ZNF18: variants seen among roughly 807,000 people sequenced by gnomAD.
ZNF18 encodes the protein heart development-specific gene 1 protein.
A neutral mutation model predicts 58.1 loss-of-function variants in ZNF18; 42 were observed. That is an observed-to-expected ratio of 0.72 (90% confidence interval 0.56 to 0.93). The LOEUF (loss-of-function observed/expected upper bound fraction) is 0.93. ZNF18 is among the 40% of genes least tolerant of loss of function. ZNF18 has a pLI of 0.00. For synonymous variants in ZNF18, 231 were observed against 239.8 expected, an observed-to-expected ratio of 0.96 and a Z score of 0.34; for missense variants, 540 against 644.2, an observed-to-expected ratio of 0.84 and a Z score of 1.75.
the ZNF18 span, among the ~76,000 whole-genome samples, chr17:12,013,541 C>A: frequency 6.6e-6 from 1 of 152,040 alleles, no homozygotes; most frequent in Non-Finnish European, 1.5e-5. Context: ...CAAATTTCTA[C>A]CTTTATTTGA....
At chr17:11,982,777 A>G (rs1235296462) in intron 6 of ZNF18, among the ~76,000 whole-genome samples, 1 of 152,100 alleles carries the variant, frequency 6.6e-6, no homozygotes, top group Non-Finnish European at 1.5e-5. Context: ...ATTTTACAAG[A>G]TAACAAGTTA....
chr17:12,021,081 C>G, the ZNF18 span: 1 of 860,704 alleles, frequency 1.2e-6, no homozygotes, highest in Non-Finnish European at 1.5e-6. Context: ...AGCGGACGCC[C>G]CCGGACCCGG....
the ZNF18 span, among the ~76,000 whole-genome samples, chr17:12,018,157 T>G: frequency 6.6e-6 from 1 of 152,258 alleles, no homozygotes; most frequent in Non-Finnish European, 1.5e-5. Context: ...CAAGGATATC[T>G]TATAAATGTA....
upstream of ZNF18, among the ~76,000 whole-genome samples, chr17:12,000,021 A>C (rs931247195): frequency 1.4e-4 from 21 of 152,266 alleles, no homozygotes; most frequent in African/African-American, 5.1e-4. Flanking sequence ...TCCAGGTTTA[A>C]GTGATTCTCC....
chr17:12,020,803 T>C, the ZNF18 span: 138,454 of 577,038 alleles, frequency 0.24, 17,213 homozygotes, highest in Non-Finnish European at 0.25. Context: ...AAGGCGGGGG[T>C]AAGCCTCGCC....
chr17:12,006,948 A>G, the ZNF18 span, among the ~76,000 whole-genome samples: 1 of 152,164 alleles, frequency 6.6e-6, no homozygotes, highest in South Asian at 2.1e-4. Context: ...TTAAAACCCA[A>G]AGGAATTCTG....
rs1233192351 is a variant in ZNF18, at chr17:11,997,471, T to C, written c.-123A>G. 6.6e-6 allele frequency: 1 copy of C among 152,204 alleles called. No homozygotes were observed. The highest frequency in any genetic ancestry group is 1.5e-5 in the Non-Finnish European group (1 of 68,068). 9.4% of individuals were successfully genotyped at this position (152,204 alleles called of 1,614,324 possible). On this transcript the variant is annotated 5_prime_UTR_variant, in exon 1 of 7. Coordinates refer to ENST00000580306, the MANE Select transcript of ZNF18 (RefSeq NM_001303281.2). ...CGGCTCCGGGCGCACTTCCGGGAGC[T>C]GGGTGGCTGCGCGCGCCTCAGGCGG...
At chr17:11,992,342 C>T in intron 2 of ZNF18, 101 bp downstream of exon 2, 4 of 1,459,164 alleles carry the variant, frequency 2.7e-6, no homozygotes, top group Non-Finnish European at 3.7e-6. Context: ...AAGCCCCACC[C>T]ATTTTGTGTC....
At chr17:11,981,530 CTTTTTT>C (rs34496641) in intron 6 of ZNF18, among the ~76,000 whole-genome samples, 1 of 93,496 alleles carries the variant, frequency 1.1e-5, no homozygotes, top group Non-Finnish European at 2.0e-5. Flanking sequence ...CCTATAATAG[CTTTTTT>C]TTTTTTTTTT....
chr17:12,019,270 A>G, the ZNF18 span, among the ~76,000 whole-genome samples: 1 of 149,052 alleles, frequency 6.7e-6, no homozygotes, highest in Middle Eastern at 3.4e-3. Context: ...AGCCTTCTTT[A>G]ATATATGTTA....
rs752579295 is a variant in ZNF18 at position 11,991,078 on chromosome 17, A to G, written c.473T>C (p.Leu158Pro). The G allele has an allele frequency of 2.4e-5, 38 of 1,614,070 alleles. No individual in the cohort carries two copies. Among genetic ancestry groups the G allele is most frequent in the Non-Finnish European group, 7.6e-6 (9 of 1,180,034 alleles). Residue 158 changes from leucine to proline, a missense_variant, in exon 3 of 7, where the codon CTT (leucine) becomes CCT (proline). Transcript: ENST00000580306. ...TCCCAACTCCTGAGGCACCACTTCA[A>G]GATGGGGCTCCACTTCCCCCACTTG... Reference protein sequence around the residue: ...SCQVGEVEPHLEVVPQELGLE... With the variant: ...SCQVGEVEPHPEVVPQELGLE...
intron 6 of ZNF18, among the ~76,000 whole-genome samples, chr17:11,980,794 AT>A: frequency 6.6e-6 from 1 of 152,234 alleles, no homozygotes; most frequent in South Asian, 2.1e-4. Flanking sequence ...CTGTGCATCT[AT>A]TTTTATATCA....
At chr17:12,002,245 CA>C, upstream of ZNF18, 1 of 152,070 alleles carries the variant, frequency 6.6e-6, no homozygotes, top group Non-Finnish European at 1.5e-5. Flanking sequence ...ACCGAAAACA[CA>C]AAAATTACCT....
chr17:11,979,414 C>T (rs1053342556), intron 6 of ZNF18, among the ~76,000 whole-genome samples: 9 of 152,146 alleles, frequency 5.9e-5, no homozygotes, highest in African/African-American at 2.2e-4. Flanking sequence ...GTGAAATGCA[C>T]GTGTCATTTT....
the ZNF18 span, chr17:12,010,886 T>C: frequency 7.7e-6 from 4 of 519,228 alleles, no homozygotes; most frequent in Non-Finnish European, 1.4e-5. Context: ...AGTTTTCTGA[T>C]AATTTTCCTT....
At chr17:11,987,353 T>C (rs1248152876) in intron 4 of ZNF18, among the ~76,000 whole-genome samples, 1 of 152,210 alleles carries the variant, frequency 6.6e-6, no homozygotes, top group Non-Finnish European at 1.5e-5. Context: ...CTGGCATTAT[T>C]TATGAAGTTC....
Position 11,984,325 on chromosome 17 carries a change from C to G in ZNF18, c.667-128G>C, listed in dbSNP as rs538593573. On this transcript the variant is annotated intron_variant, in intron 4 of 6. Transcript: ENST00000580306. ...CATAGGATCCTGGCCATCGCAAGAC[C>G]TGAGAAATCCCAGCAGAGTGGTTCA... is the stretch of plus-strand genomic sequence containing the variant. 9.5e-6 allele frequency: 8 copies of G among 843,056 alleles called. No individual in the cohort carries two copies. The South Asian group carries it at 1.5e-4, about 16-fold the overall frequency. 52.2% of individuals were successfully genotyped at this position (843,056 alleles called of 1,614,324 possible).
chr17:11,999,176 G>A (rs555967079), upstream of ZNF18, among the ~76,000 whole-genome samples: 4 of 152,262 alleles, frequency 2.6e-5, no homozygotes, highest in Admixed American at 6.5e-5. Flanking sequence ...CAATGTGTTC[G>A]CTTTTAGCTG....
intron 1 of ZNF18, chr17:11,995,827 G>A (rs1490293388): frequency 1.3e-5 from 2 of 152,014 alleles, no homozygotes; most frequent in African/African-American, 2.4e-5. Flanking sequence ...CATCAAAACA[G>A]ACCATATGCA....
Sources: allele counts gnomAD v4.1 joint callset (sites outside exome capture counted in the v4.1 genomes callset), GRCh38; gene constraint gnomAD v4.1.1; transcripts MANE v1.5; gene names NCBI Gene and HGNC (gene_info 2026-07-23, HGNC 2026-07-21).